FZD3: variants seen among roughly 807,000 people sequenced by gnomAD.
FZD3 encodes the protein frizzled class receptor 3, also known as frizzled-3.
FZD3 carries 30 observed loss-of-function variants against 60.7 expected under a neutral mutation model. That is an observed-to-expected ratio of 0.49 (90% CI 0.37 to 0.67). FZD3 has a LOEUF of 0.67. FZD3 is among the 30% of genes least tolerant of loss of function. The pLI is 0.00. For synonymous variants in FZD3, 246 were observed against 275.2 expected (o/e 0.89, Z 1.05); for missense variants, 605 against 838.7 (o/e 0.72, Z 3.44).
intron 5 of FZD3, among the ~76,000 whole-genome samples, chr8:28,535,309 C>G (rs922730770): frequency 2.0e-5 from 3 of 152,022 alleles, no homozygotes; most frequent in Non-Finnish European, 4.4e-5. Context: ...ACAGTGAGTT[C>G]CCATATGCCT....
chr8:28,561,098 C>A (rs1805604542), intron 7 of FZD3, among the ~76,000 whole-genome samples: 1 of 152,014 alleles, frequency 6.6e-6, no homozygotes, highest in African/African-American at 2.4e-5. Context: ...CTCTTGTCAC[C>A]CAGGCTGGAG....
intron 5 of FZD3, among the ~76,000 whole-genome samples, chr8:28,536,803 T>C (rs1261363030): frequency 6.6e-6 from 1 of 152,222 alleles, no homozygotes; most frequent in African/African-American, 2.4e-5. Flanking sequence ...CTAGTCTTGA[T>C]TCAGAAAAAT....
intron 3 of FZD3, among the ~76,000 whole-genome samples, chr8:28,518,879 C>T (rs542427334): frequency 2.6e-5 from 4 of 152,166 alleles, no homozygotes; most frequent in Non-Finnish European, 5.9e-5. Flanking sequence ...CTTTCCTTCT[C>T]TTTGAATTCT....
chr8:28,548,849 T>C (rs1179443195), intron 5 of FZD3, among the ~76,000 whole-genome samples: 2 of 152,236 alleles, frequency 1.3e-5, no homozygotes, highest in Non-Finnish European at 2.9e-5. Context: ...AAATTATTTC[T>C]AACTAAGAAC....
At position 28,518,542 on chromosome 8, in the gene FZD3, A is replaced by G. The variant is rs941378495; in HGVS notation, c.190-2096A>G. 5.6e-4 allele frequency among the ~76,000 whole-genome samples: 85 copies of G among 152,306 alleles called. 1 individual carries two copies. Among genetic ancestry groups the G allele is most frequent in the South Asian group, 2.3e-3 (11 of 4,826 alleles). On this transcript the variant is annotated intron_variant, in intron 3 of 7. Transcript: ENST00000240093. ...CAGTAATTCATGTCTCTTTAGACTG[A>G]TAAGACTGCCAAAATCTCTACTCTG...
intron 5 of FZD3, among the ~76,000 whole-genome samples, chr8:28,540,784 A>C (rs948265688): frequency 6.6e-6 from 1 of 152,050 alleles, no homozygotes; most frequent in African/African-American, 2.4e-5. Context: ...GTGTCTACTA[A>C]AAATACAAAA....
intron 3 of FZD3, among the ~76,000 whole-genome samples, chr8:28,520,146 G>T (rs747585412): frequency 5.0e-4 from 75 of 150,832 alleles, no homozygotes; most frequent in Non-Finnish European, 8.1e-4. Flanking sequence ...GGAGGCAGAG[G>T]TTGCAGTGAG....
intron 3 of FZD3, among the ~76,000 whole-genome samples, chr8:28,507,875 G>T (rs138014587): frequency 8.8e-4 from 134 of 151,798 alleles, no homozygotes; most frequent in African/African-American, 3.1e-3. Context: ...GGTAGTGGGA[G>T]CCTCTACATG....
rs1184876858 is a variant in FZD3, at chr8:28,571,637, A to G, written c.*8626A>G. The G allele has an allele frequency of 1.3e-5, 2 of 151,930 alleles. No homozygotes were observed. Among genetic ancestry groups the G allele is most frequent in the South Asian group, 2.1e-4 (1 of 4,820 alleles). 9.4% of individuals were successfully genotyped at this position (151,930 alleles called of 1,614,324 possible). ...ATGTCTTTAACCCCAACTTCCAACA[A>G]CTTTTCTGCTTTTATTTTCAAATGT... On this transcript the variant is annotated 3_prime_UTR_variant, in exon 8 of 8. Coordinates refer to ENST00000240093, the MANE Select transcript of FZD3 (RefSeq NM_017412.4).
chr8:28,514,336 A>T (rs1563385829), intron 3 of FZD3, among the ~76,000 whole-genome samples: 1 of 151,952 alleles, frequency 6.6e-6, no homozygotes, highest in Non-Finnish European at 1.5e-5. Context: ...AATCAGGGCA[A>T]TTTGCTTATT....
At chr8:28,497,395 G>A (rs893395228) in intron 1 of FZD3, among the ~76,000 whole-genome samples, 2 of 152,218 alleles carry the variant, frequency 1.3e-5, no homozygotes, top group African/African-American at 4.8e-5. Flanking sequence ...GAGAAGGAAA[G>A]TAACATTTGA....
Position 28,528,051 on chromosome 8 carries a change from C to G in FZD3, c.1291C>G (p.Pro431Ala). The G allele has an allele frequency of 6.2e-7, 1 of 1,613,790 alleles. No homozygotes were observed. Among genetic ancestry groups the G allele is most frequent in the Non-Finnish European group, 8.5e-7 (1 of 1,179,750 alleles). The change falls in exon 5 of 8, where the codon CCA becomes GCA. Residue 431 changes from proline to alanine, a missense_variant. Coordinates refer to ENST00000240093, the MANE Select transcript of FZD3 (RefSeq NM_017412.4). ...TGTTTTCAGCATTCTTTATCTCGTA[C>G]CACTCTTGGTTGTAATTGGATGCTA... is the stretch of plus-strand genomic sequence containing the variant. ...IGVFSILYLV[P>A]LLVVIGCYFY...
At chr8:28,514,406 A>G (rs906649510) in intron 3 of FZD3, among the ~76,000 whole-genome samples, 4 of 152,220 alleles carry the variant, frequency 2.6e-5, no homozygotes, top group African/African-American at 7.2e-5. Flanking sequence ...ATATAATGTG[A>G]GTACAGTAAA....
In FZD3 at chr8:28,572,119, A is replaced by G. The variant is rs555911858; in HGVS notation, c.*9108A>G. 1.3e-5 allele frequency: 2 copies of G among 152,154 alleles called. No homozygotes were observed. Among genetic ancestry groups the G allele is most frequent in the Admixed American group, 1.3e-4 (2 of 15,292 alleles). The allele number at this position is 152,154 out of a possible 1,614,324, so 9.4% of individuals were successfully genotyped here. A position where few individuals can be genotyped will look rare whatever the true frequency, so the allele number is the denominator to read the frequency against. On this transcript the variant is annotated 3_prime_UTR_variant, in exon 8 of 8. Coordinates refer to ENST00000240093, the MANE Select transcript of FZD3 (RefSeq NM_017412.4). The stretch of plus-strand genomic sequence containing the variant: ...GTTAGATTATCGCGGTCATCTCGGC[A>G]TGTGGATCGCTCCTCCTGTAGATCA...
chr8:28,504,472 A>G (rs1706154513), intron 3 of FZD3, among the ~76,000 whole-genome samples: 1 of 152,236 alleles, frequency 6.6e-6, no homozygotes, highest in Non-Finnish European at 1.5e-5. Flanking sequence ...ATTTTAAATC[A>G]TAACTCCTTT....
intron 5 of FZD3, among the ~76,000 whole-genome samples, chr8:28,550,703 G>C (rs1233842801): frequency 6.6e-6 from 1 of 151,844 alleles, no homozygotes; most frequent in African/African-American, 2.4e-5. Flanking sequence ...TCTTGGCCAG[G>C]CTGGTCTTGA....
chr8:28,529,642 A>G (rs1464604158), intron 5 of FZD3, among the ~76,000 whole-genome samples: 2 of 152,132 alleles, frequency 1.3e-5, no homozygotes, highest in African/African-American at 2.4e-5. Flanking sequence ...GAGAATGCCA[A>G]TTTCCCTTTT....
intron 5 of FZD3, among the ~76,000 whole-genome samples, chr8:28,533,168 T>C (rs1203856623): frequency 6.6e-6 from 1 of 152,120 alleles, no homozygotes; most frequent in Non-Finnish European, 1.5e-5. Context: ...ATGTTCTTTT[T>C]TTCCCCCCAT....
In FZD3 at chr8:28,564,573, G is replaced by C. The variant is rs1805673318; in HGVS notation, c.*1562G>C. 1 of 151,670 alleles carries C rather than the reference G, an allele frequency of 6.6e-6. No homozygotes were observed. The highest frequency in any genetic ancestry group is 2.4e-5 in the African/African-American group (1 of 41,298). The allele number at this position is 151,670 out of a possible 1,614,324, so 9.4% of individuals were successfully genotyped here. ...TCACATGAACATCCACATGGATTCT[G>C]TCTTTCGCTTTTATATCATTATCTA... is the stretch of plus-strand genomic sequence containing the variant. On this transcript the variant is annotated 3_prime_UTR_variant, in exon 8 of 8. Coordinates refer to ENST00000240093, the MANE Select transcript of FZD3 (RefSeq NM_017412.4).
Sources: gnomAD v4.1 joint callset for allele counts (sites outside exome capture counted in the v4.1 genomes callset) on GRCh38, gnomAD v4.1.1 for gene constraint, MANE v1.5 for transcripts, NCBI Gene and HGNC (gene_info 2026-07-23, HGNC 2026-07-21) for gene names.